Variants in POLN observed in about 807,000 individuals in gnomAD.
POLN encodes DNA polymerase N.
Under a neutral mutation model 113.5 loss-of-function variants are expected in POLN, and 108 were observed. The observed-to-expected ratio is 0.95, with a 90% CI of 0.81 to 1.12. The LOEUF (loss-of-function observed/expected upper bound fraction) is 1.12, where lower values mean the gene tolerates loss of function less well. Among genes scored for constraint, POLN ranks in the 50% most tolerant of loss-of-function variants. The pLI, the probability that POLN is intolerant of heterozygous loss-of-function variation, is 0.00. For missense variants in POLN, 1,097 were observed against 1,077.1 expected, an observed-to-expected ratio of 1.02 and a Z score of -0.26; for synonymous variants, 386 against 391.5, an observed-to-expected ratio of 0.99 and a Z score of 0.17.
chr4:2,170,584 G>A (rs776190072), intron 13 of POLN, 95 bp downstream of exon 13: 19 of 1,052,626 alleles, frequency 1.8e-5, no homozygotes, highest in Middle Eastern at 2.1e-4. Context: ...ATGAGGGGAC[G>A]GCCTGAGAGT....
At chr4:2,171,723 T>C (rs1732866915) in intron 11 of POLN, among the ~76,000 whole-genome samples, 1 of 152,226 alleles carries the variant, frequency 6.6e-6, no homozygotes, top group East Asian at 1.9e-4. Flanking sequence ...GTGGGTGTCT[T>C]GAGCCCAGGA....
intron 13 of POLN, among the ~76,000 whole-genome samples, chr4:2,161,959 T>C (rs565731051): frequency 6.6e-6 from 1 of 152,082 alleles, no homozygotes; most frequent in African/African-American, 2.4e-5. Flanking sequence ...GGTGGGGATA[T>C]GGAGAACCTT....
rs988493432 is a variant in POLN, at chr4:2,183,064, T to C, written c.1022-3599A>G. On this transcript the variant is annotated intron_variant, in intron 7 of 25. Coordinates refer to ENST00000511885, the MANE Select transcript of POLN (RefSeq NM_181808.4). ...AATAAGCACATGAGAAGATGTCCAA[T>C]ATCATTAGGCATCAGTATAATACAA... Among the ~76,000 whole-genome samples, 4 of 152,194 alleles carry C rather than the reference T, an allele frequency of 2.6e-5. No individual in the cohort carries two copies. In the East Asian group the frequency reaches 5.8e-4, roughly 22 times the overall value.
At position 2,193,171 on chromosome 4, in the gene POLN, T is replaced by G. The variant is rs1468446823; in HGVS notation, c.1021+33A>C. On this transcript the variant is annotated intron_variant, in intron 7 of 25. Transcript: ENST00000511885. Reference sequence around the variant, plus strand: ...ATAGGAGGAGTCACAGTTGAAGAGTTAAATTATAGAGAGAATAAAAAATAT... The same window carrying G: ...ATAGGAGGAGTCACAGTTGAAGAGTGAAATTATAGAGAGAATAAAAAATAT... The G allele has an allele frequency of 2.0e-6, 3 of 1,481,912 alleles. No homozygotes were observed. The East Asian group carries it at 7.0e-5, about 34-fold the overall frequency. The allele number at this position is 1,481,912 out of a possible 1,614,324, so 91.8% of individuals were successfully genotyped here.
intron 19 of POLN, among the ~76,000 whole-genome samples, chr4:2,104,844 G>C (rs191932847): frequency 3.3e-5 from 5 of 152,318 alleles, no homozygotes; most frequent in Non-Finnish European, 5.9e-5. Context: ...CTCAGTGTGA[G>C]TTTCTGCAAA....
Position 2,091,953 on chromosome 4 carries a change from T to C in POLN, c.2065+3898A>G, listed in dbSNP as rs559468820. On this transcript the variant is annotated intron_variant, in intron 20 of 25. Coordinates refer to ENST00000511885, the MANE Select transcript of POLN (RefSeq NM_181808.4). The stretch of plus-strand genomic sequence containing the variant: ...AGCAAGTGCCTGCACATAGTGGGCC[T>C]GTGGGAACATGGGCTGGTCTAGCTG... Among the ~76,000 whole-genome samples the C allele has an allele frequency of 1.1e-4, 16 of 152,352 alleles. No homozygotes were observed. The South Asian group carries it at 3.3e-3, about 32-fold the overall frequency.
At chr4:2,132,057 C>T (rs1731740345) in intron 16 of POLN, among the ~76,000 whole-genome samples, 1 of 152,206 alleles carries the variant, frequency 6.6e-6, no homozygotes, top group Admixed American at 6.5e-5. Context: ...TACAGCAATG[C>T]TCCTTAGTTC....
intron 16 of POLN, among the ~76,000 whole-genome samples, chr4:2,137,066 G>A (rs1202650733): frequency 2.0e-5 from 3 of 152,212 alleles, no homozygotes; most frequent in Admixed American, 6.5e-5. Context: ...GGCCCACGGC[G>A]TTTTCACCGT....
chr4:2,119,788 A>G (rs1731400261), intron 19 of POLN, among the ~76,000 whole-genome samples: 2 of 152,058 alleles, frequency 1.3e-5, no homozygotes, highest in Non-Finnish European at 2.9e-5. Flanking sequence ...CATAAAAATT[A>G]TTTCCACAGC....
Position 2,218,908 on chromosome 4 carries a change from A to C in POLN, c.134-5782T>G, listed in dbSNP as rs186450831. 1.1e-4 allele frequency among the ~76,000 whole-genome samples: 17 copies of C among 152,310 alleles called. No homozygotes were observed. In the East Asian group the frequency reaches 1.9e-3, roughly 17 times the overall value. ...AGCACCTACCTGGTGAATTAAATGA[A>C]CATATGACAGGGACCACCCTGTGCC... On this transcript the variant is annotated intron_variant, in intron 3 of 25. Transcript: ENST00000511885.
chr4:2,223,012 C>CT (rs1268754208), intron 3 of POLN, among the ~76,000 whole-genome samples: 2 of 152,174 alleles, frequency 1.3e-5, no homozygotes, highest in Non-Finnish European at 2.9e-5. Context: ...TTCCCTGAGA[C>CT]TGAGATTTGT....
At chr4:2,198,461 G>C in intron 6 of POLN, 63 bp downstream of exon 6, 1 of 1,394,464 alleles carries the variant, frequency 7.2e-7, no homozygotes, top group East Asian at 2.5e-5. Flanking sequence ...CCTTGAGCAA[G>C]TTTCCATTAG....
At chr4:2,188,829 G>A (rs780109037) in intron 7 of POLN, among the ~76,000 whole-genome samples, 1 of 152,158 alleles carries the variant, frequency 6.6e-6, no homozygotes, top group Admixed American at 6.6e-5. Context: ...TAAGAGATGG[G>A]CCATATAAAA....
intron 8 of POLN, 142 bp downstream of exon 8, chr4:2,179,166 G>A (rs1259124171): frequency 4.8e-6 from 4 of 829,294 alleles, no homozygotes; most frequent in East Asian, 2.7e-5. Context: ...GAAATGCCAA[G>A]GTCACAACTA....
chr4:2,114,073 A>G (rs1731261791), intron 19 of POLN, among the ~76,000 whole-genome samples: 1 of 151,210 alleles, frequency 6.6e-6, no homozygotes, highest in African/African-American at 2.4e-5. Flanking sequence ...TAATTTTTGT[A>G]TTTTTTGTAG....
intron 19 of POLN, among the ~76,000 whole-genome samples, chr4:2,096,720 GA>G: frequency 6.8e-6 from 1 of 147,688 alleles, no homozygotes; most frequent in Non-Finnish European, 1.5e-5. Context: ...GAGAGAGAGA[GA>G]GAGAGAGAGA....
chr4:2,217,129 T>C (rs1734132429), intron 3 of POLN, among the ~76,000 whole-genome samples: 1 of 152,194 alleles, frequency 6.6e-6, no homozygotes, highest in Admixed American at 6.5e-5. Flanking sequence ...TTCCAATCTT[T>C]CTCATTCCAG....
rs1428728303 is a variant in POLN at position 2,126,173 on chromosome 4, C to G, written c.1982+1940G>C. Among the ~76,000 whole-genome samples, 1 of 152,218 alleles carries G rather than the reference C, an allele frequency of 6.6e-6. No homozygotes were observed. The highest frequency in any genetic ancestry group is 1.5e-5 in the Non-Finnish European group (1 of 68,046). ...ACCCGGTACAGTGCCTCTTCCTGTG[C>G]TGGGCAAACACTTCATTATTCTTTG... On this transcript the variant is annotated intron_variant, in intron 19 of 25. Transcript: ENST00000511885. The surrounding 1 kb of genome is among the most constrained non-coding windows in gnomAD (Gnocchi z 4.6).
intron 19 of POLN, among the ~76,000 whole-genome samples, chr4:2,112,817 A>T (rs1280748012): frequency 6.6e-6 from 1 of 152,186 alleles, no homozygotes; most frequent in Non-Finnish European, 1.5e-5. Context: ...CCATTGTGGA[A>T]GTCAGTGTGG....
Sources: allele counts gnomAD v4.1 joint callset (sites outside exome capture counted in the v4.1 genomes callset), GRCh38; gene constraint gnomAD v4.1.1; non-coding constraint Gnocchi (gnomAD v3.1); transcripts MANE v1.5; gene names NCBI Gene and HGNC (gene_info 2026-07-23, HGNC 2026-07-21).